The following SLC30A10 variants were observed in gnomAD, a reference collection of about 807,000 sequenced individuals.
SLC30A10 encodes calcium/manganese antiporter SLC30A10.
A neutral mutation model predicts 21.7 loss-of-function variants in SLC30A10; 8 were observed. The observed-to-expected ratio is 0.37, with a 90% CI of 0.22 to 0.67. The LOEUF is 0.67. Among genes scored for constraint, SLC30A10 ranks in the 30% least tolerant of loss-of-function variants. The pLI, the probability that SLC30A10 is intolerant of heterozygous loss-of-function variation, is 0.58. For missense variants in SLC30A10, 521 were observed against 642.5 expected (o/e 0.81, Z 2.04); for synonymous variants, 272 against 279.4 (o/e 0.97, Z 0.26).
At chr1:219,926,959 CAG>C in intron 2 of SLC30A10, 67 bp downstream of exon 2, 1 of 1,291,064 alleles carries the variant, frequency 7.7e-7, no homozygotes, top group Middle Eastern at 1.9e-4. Context: ...AAAAGTCAAA[CAG>C]AAATAAACAA....
At chr1:219,927,128 G>C (rs749711473) in intron 1 of SLC30A10, 23 bp from the exon 2 acceptor site, 1 of 1,612,614 alleles carries the variant, frequency 6.2e-7, no homozygotes, top group Non-Finnish European at 8.5e-7. Context: ...AAGAAACCTT[G>C]TGTTGTGTAT....
At chr1:219,957,145 A>G (rs1338863409) in intron 1 of SLC30A10, among the ~76,000 whole-genome samples, 1 of 152,188 alleles carries the variant, frequency 6.6e-6, no homozygotes, top group Non-Finnish European at 1.5e-5. Context: ...CAAGTTAACA[A>G]TGAATTTTCC....
intron 1 of SLC30A10, among the ~76,000 whole-genome samples, chr1:219,936,049 G>A (rs926601540): frequency 1.3e-5 from 2 of 152,154 alleles, no homozygotes; most frequent in Admixed American, 1.3e-4. Context: ...AGAGAATCAA[G>A]GTATCTGGAC....
intron 1 of SLC30A10, among the ~76,000 whole-genome samples, chr1:219,946,867 C>T (rs1266774104): frequency 6.6e-6 from 1 of 152,168 alleles, no homozygotes; most frequent in Non-Finnish European, 1.5e-5. Context: ...TGCTATTGGA[C>T]TTTTATTCCT....
chr1:219,934,242 C>T (rs556976755), intron 1 of SLC30A10, among the ~76,000 whole-genome samples: 121 of 152,042 alleles, frequency 8.0e-4, no homozygotes, highest in South Asian at 1.5e-3. Flanking sequence ...GAGCCGAGAT[C>T]GTGCCACTGC....
chr1:219,916,847 C>A (rs1209873175), intron 3 of SLC30A10, among the ~76,000 whole-genome samples: 1 of 151,890 alleles, frequency 6.6e-6, no homozygotes, highest in East Asian at 1.9e-4. Context: ...ATAATAGTAC[C>A]TTTTTGTATT....
chr1:219,949,428 TA>T (rs1268651615), intron 1 of SLC30A10, among the ~76,000 whole-genome samples: 3 of 152,118 alleles, frequency 2.0e-5, no homozygotes, highest in Non-Finnish European at 4.4e-5. Context: ...TATACAGCCA[TA>T]AAAAATGATG....
At position 219,911,160 on chromosome 1, in the gene SLC30A10, T is replaced by TTTTTTTTTTTTTTTTTTTTTTTTTG. The variant is rs1558247379; in HGVS notation, c.*4288_*4289insCAAAAAAAAAAAAAAAAAAAAAAAA. On this transcript the variant is annotated 3_prime_UTR_variant, in exon 4 of 4. Transcript: ENST00000366926. ...TTTTTTCTACATCAGTTTTTTTTTT[T>TTTTTTTTTTTTTTTTTTTTTTTTTG]TTTTTTTTTTTTTTGCAGTCTTTTA... Among the ~76,000 whole-genome samples, 1 of 73,084 alleles carries TTTTTTTTTTTTTTTTTTTTTTTTTG rather than the reference T, an allele frequency of 1.4e-5. No homozygotes were observed. The highest frequency in any genetic ancestry group is 4.2e-5 in the Non-Finnish European group (1 of 23,848). 47.9% of individuals were successfully genotyped at this position (73,084 alleles called of 152,430 possible). A position where few individuals can be genotyped will look rare whatever the true frequency, so the allele number is the denominator to read the frequency against.
chr1:219,932,732 T>TA (rs1395780556), upstream of SLC30A10, among the ~76,000 whole-genome samples: 4 of 139,268 alleles, frequency 2.9e-5, no homozygotes, highest in Non-Finnish European at 4.5e-5. Flanking sequence ...TTTTTTTTTT[T>TA]AGTGATGGAG....
chr1:219,920,124 C>A (rs1332788118), intron 2 of SLC30A10, among the ~76,000 whole-genome samples: 1 of 152,026 alleles, frequency 6.6e-6, no homozygotes, highest in East Asian at 1.9e-4. Context: ...AAAAGAATTC[C>A]CATATTTCCT....
chr1:219,936,762 G>A (rs569310048), intron 1 of SLC30A10, among the ~76,000 whole-genome samples: 1 of 152,316 alleles, frequency 6.6e-6, no homozygotes, highest in South Asian at 2.1e-4. Flanking sequence ...CAGTGGTAGA[G>A]AATCTTTGCT....
At chr1:219,955,459 G>A (rs1016385053) in intron 1 of SLC30A10, among the ~76,000 whole-genome samples, 3 of 151,912 alleles carry the variant, frequency 2.0e-5, no homozygotes, top group East Asian at 1.9e-4. Context: ...TTCTTTTCTC[G>A]CAGGTTTTAA....
chr1:219,927,826 C>G lies in SLC30A10; in HGVS notation c.615G>C (p.Gly205=), dbSNP rs1168701349. The change falls in exon 1 of 4, where the codon GGG becomes GGC. Residue 205 remains glycine (G), a synonymous_variant. Coordinates refer to ENST00000366926, the MANE Select transcript of SLC30A10 (RefSeq NM_018713.3). ...CTGCTACGTTTGCGAACACGGTCGC[C>G]CCCTTCTCCCGCTTCCTTTCCACCG... ...GTSVERKREK[G]ATVFANVAGD... The G allele has an allele frequency of 7.1e-6, 11 of 1,547,668 alleles. No individual in the cohort carries two copies. The highest frequency in any genetic ancestry group is 1.7e-4 in the Middle Eastern group (1 of 5,950).
rs1184110114 is a variant in SLC30A10 at position 219,915,412 on chromosome 1, T to C, written c.*37A>G. 6.3e-7 allele frequency: 1 copy of C among 1,577,920 alleles called. No homozygotes were observed. Among genetic ancestry groups the C allele is most frequent in the Non-Finnish European group, 8.6e-7 (1 of 1,162,152 alleles). On this transcript the variant is annotated 3_prime_UTR_variant, in exon 4 of 4. Transcript: ENST00000366926. ...GTGAGCCAAGCTTGTGGTTCCAAAG[T>C]GCCTCGTCTATATGGTCTGATTATG... is the stretch of plus-strand genomic sequence containing the variant.
rs79328219 is a variant in SLC30A10 at position 219,927,791 on chromosome 1, C to G, written c.640+10G>C. 2.0e-6 allele frequency: 3 copies of G among 1,532,090 alleles called. No homozygotes were observed. The highest frequency in any genetic ancestry group is 2.1e-5 in the Admixed American group (1 of 48,632). The allele number at this position is 1,532,090 out of a possible 1,614,324, so 94.9% of individuals were successfully genotyped here. On this transcript the variant is annotated intron_variant, in intron 1 of 3. Transcript: ENST00000366926. ...GGCCAAGCGGTCCAAAGGATGCAAC[C>G]GAAAGGCACCTGCTACGTTTGCGAA...
At chr1:219,952,762 T>C (rs1030912895) in intron 1 of SLC30A10, among the ~76,000 whole-genome samples, 3 of 152,226 alleles carry the variant, frequency 2.0e-5, no homozygotes, top group South Asian at 2.1e-4. Flanking sequence ...AAAATTTACC[T>C]GATATCAGTC....
chr1:219,951,511 G>C (rs1055101263), intron 1 of SLC30A10, among the ~76,000 whole-genome samples: 1 of 151,732 alleles, frequency 6.6e-6, no homozygotes, highest in Non-Finnish European at 1.5e-5. Context: ...CACGAGGTCA[G>C]GAGATCGAGA....
At chr1:219,950,564 G>A (rs993946140) in intron 1 of SLC30A10, among the ~76,000 whole-genome samples, 7 of 148,508 alleles carry the variant, frequency 4.7e-5, no homozygotes, top group Middle Eastern at 3.8e-3. Context: ...GTGTGAACCC[G>A]GGAGGCAGAG....
upstream of SLC30A10, chr1:219,928,763 T>G: frequency 3.9e-6 from 1 of 257,502 alleles, no homozygotes; most frequent in Non-Finnish European, 7.2e-6. This position sits in a 1 kb window ranked among gnomAD's most constrained non-coding sequence, Gnocchi z 6.3. Context: ...GACAGGACTG[T>G]GCAGAGAGGG....
Sources: allele counts gnomAD v4.1 joint callset (sites outside exome capture counted in the v4.1 genomes callset), GRCh38; gene constraint gnomAD v4.1.1; non-coding constraint Gnocchi (gnomAD v3.1); transcripts MANE v1.5; gene names NCBI Gene and HGNC (gene_info 2026-07-23, HGNC 2026-07-21).